The following ARL15 variants were observed in gnomAD, a reference collection of about 807,000 sequenced individuals.
The protein encoded by ARL15 is ADP-ribosylation factor-like protein 15.
In ARL15, 19 loss-of-function variants were observed where a neutral mutation model predicts 25.2. That is an observed-to-expected ratio of 0.75 (90% CI 0.53 to 1.10). The LOEUF (loss-of-function observed/expected upper bound fraction) is 1.10. Among genes scored for constraint, ARL15 ranks in the 50% least tolerant of loss-of-function variants. The pLI is 0.00. For missense variants in ARL15, 220 were observed against 246.0 expected (o/e 0.89, Z 0.71); for synonymous variants, 94 against 86.8 (o/e 1.08, Z -0.46).
At chr5:54,144,116 T>C (rs1753842931) in intron 3 of ARL15, among the ~76,000 whole-genome samples, 1 of 152,078 alleles carries the variant, frequency 6.6e-6, no homozygotes, top group African/African-American at 2.4e-5. Context: ...TCGTAATTAA[T>C]AGTTTATTTT....
intron 1 of ARL15, among the ~76,000 whole-genome samples, chr5:54,212,284 C>CT (rs1756065012): frequency 6.6e-6 from 1 of 152,106 alleles, no homozygotes; most frequent in African/African-American, 2.4e-5. Context: ...AGAAGCTGGC[C>CT]TTTTTTGTAA....
At chr5:54,136,177 C>A (rs377609081) in intron 3 of ARL15, among the ~76,000 whole-genome samples, 2 of 152,160 alleles carry the variant, frequency 1.3e-5, no homozygotes, top group African/African-American at 2.4e-5. Flanking sequence ...TTCATTGACT[C>A]ATTTAGTACA....
intron 4 of ARL15, among the ~76,000 whole-genome samples, chr5:54,094,948 C>T (rs899497964): frequency 1.3e-5 from 2 of 152,222 alleles, no homozygotes; most frequent in Admixed American, 1.3e-4. Flanking sequence ...TGAATATCAA[C>T]TACTTCTGAC....
rs150408677 is a variant in ARL15, at chr5:53,908,999, G to T, written c.463-22286C>A. On this transcript the variant is annotated intron_variant, in intron 4 of 4. Coordinates refer to ENST00000504924, the MANE Select transcript of ARL15 (RefSeq NM_019087.3). Reference sequence around the variant, plus strand: ...TTTGGTCCTGTTCAGAACAGGAAAAGTTCCATTCATAGGTGGAGTCTTCAG... The same window carrying T: ...TTTGGTCCTGTTCAGAACAGGAAAATTTCCATTCATAGGTGGAGTCTTCAG... Among the ~76,000 whole-genome samples the T allele has an allele frequency of 1.8e-3, 275 of 152,288 alleles. 1 individual carries two copies. Among genetic ancestry groups the T allele is most frequent in the African/African-American group, 6.4e-3 (266 of 41,572 alleles).
chr5:53,962,925 T>G (rs1273562698), intron 4 of ARL15, among the ~76,000 whole-genome samples: 1 of 152,188 alleles, frequency 6.6e-6, no homozygotes, highest in Non-Finnish European at 1.5e-5. Context: ...TTACAAGTTA[T>G]GTGACTTCAG....
chr5:54,034,833 T>C (rs1750119478), intron 4 of ARL15, among the ~76,000 whole-genome samples: 1 of 89,060 alleles, frequency 1.1e-5, no homozygotes, highest in Non-Finnish European at 2.1e-5. Context: ...GCTAAATAAC[T>C]TTTTTTTTTT....
At chr5:54,209,067 A>C (rs909729402) in intron 1 of ARL15, among the ~76,000 whole-genome samples, 4 of 152,218 alleles carry the variant, frequency 2.6e-5, no homozygotes, top group African/African-American at 7.2e-5. Context: ...TAAAGAAGAA[A>C]TCATAATATG....
At chr5:54,194,572 T>G (rs1291819815) in intron 1 of ARL15, among the ~76,000 whole-genome samples, 1 of 152,150 alleles carries the variant, frequency 6.6e-6, no homozygotes, top group African/African-American at 2.4e-5. Context: ...TGGCTGATAG[T>G]TTTCAGCTGG....
intron 4 of ARL15, among the ~76,000 whole-genome samples, chr5:53,927,195 C>A (rs997364119): frequency 2.6e-5 from 4 of 152,132 alleles, no homozygotes; most frequent in Non-Finnish European, 5.9e-5. Flanking sequence ...CAAAGATGGA[C>A]AGAATTCCTC....
chr5:54,021,721 A>G (rs1561192244), intron 4 of ARL15, among the ~76,000 whole-genome samples: 1 of 152,192 alleles, frequency 6.6e-6, no homozygotes, highest in African/African-American at 2.4e-5. Context: ...TCTAAGAAAC[A>G]ATGGCTGAAA....
intron 1 of ARL15, among the ~76,000 whole-genome samples, chr5:54,237,638 A>G (rs1283900924): frequency 6.6e-6 from 1 of 152,210 alleles, no homozygotes; most frequent in Non-Finnish European, 1.5e-5. Flanking sequence ...CGCATCAAGA[A>G]TAACACAATC....
chr5:54,122,539 A>G (rs1753115835), intron 3 of ARL15, among the ~76,000 whole-genome samples: 1 of 152,262 alleles, frequency 6.6e-6, no homozygotes, highest in African/African-American at 2.4e-5. Context: ...ACACTTTATG[A>G]CATTTCTCTT....
intron 3 of ARL15, among the ~76,000 whole-genome samples, chr5:54,118,596 T>C (rs918115425): frequency 6.6e-6 from 1 of 152,188 alleles, no homozygotes; most frequent in Non-Finnish European, 1.5e-5. Context: ...AGAGCTAGTT[T>C]CTAGCGGGAA....
At chr5:53,887,454 A>C in intron 4 of ARL15, 4 of 692,386 alleles carry the variant, frequency 5.8e-6, no homozygotes, top group Non-Finnish European at 1.1e-5. Flanking sequence ...AACCAGTCAC[A>C]AGTCACTCTT....
rs766810086 is a variant in ARL15 at position 53,886,430 on chromosome 5, T to C, written c.*131A>G. 3.0e-5 allele frequency: 28 copies of C among 937,842 alleles called. No individual in the cohort carries two copies. The highest frequency in any genetic ancestry group is 4.2e-5 in the Non-Finnish European group (27 of 645,880). The allele number at this position is 937,842 out of a possible 1,614,324, so 58.1% of individuals were successfully genotyped here. ...CAGAATATTCACTTTAATAGAGAGATGAGAGTCTGAAATGACCAGAGGAAA... is the reference window on the plus strand; with the variant it reads ...CAGAATATTCACTTTAATAGAGAGACGAGAGTCTGAAATGACCAGAGGAAA... On this transcript the variant is annotated 3_prime_UTR_variant, in exon 5 of 5. Coordinates refer to ENST00000504924, the MANE Select transcript of ARL15 (RefSeq NM_019087.3).
At chr5:54,165,616 T>C (rs1467963476) in intron 2 of ARL15, among the ~76,000 whole-genome samples, 1 of 151,646 alleles carries the variant, frequency 6.6e-6, no homozygotes, top group Non-Finnish European at 1.5e-5. Context: ...TATCTGCTTT[T>C]AAGGTATTTT....
intron 1 of ARL15, among the ~76,000 whole-genome samples, chr5:54,202,653 G>A (rs952154259): frequency 5.3e-5 from 8 of 152,056 alleles, no homozygotes; most frequent in African/African-American, 1.9e-4. Context: ...TTAGTTTGTG[G>A]TAATATACTA....
At chr5:54,224,208 G>A (rs1479084758) in intron 1 of ARL15, among the ~76,000 whole-genome samples, 9 of 152,138 alleles carry the variant, frequency 5.9e-5, no homozygotes, top group East Asian at 3.9e-4. Context: ...CTCCAAAGGC[G>A]GCAGTGGGAA....
At chr5:53,970,609 CCTGAACTA>C (rs1747712956) in intron 4 of ARL15, among the ~76,000 whole-genome samples, 1 of 152,112 alleles carries the variant, frequency 6.6e-6, no homozygotes, top group African/African-American at 2.4e-5. Context: ...ACCTTCTTGC[CCTGAACTA>C]CTCATCAAAT....
Sources: gnomAD v4.1 joint callset for allele counts (sites outside exome capture counted in the v4.1 genomes callset) on GRCh38, gnomAD v4.1.1 for gene constraint, MANE v1.5 for transcripts, NCBI Gene and HGNC (gene_info 2026-07-23, HGNC 2026-07-21) for gene names.